ZFYVE26: variants seen among roughly 807,000 people sequenced by gnomAD.
The protein encoded by ZFYVE26 is zinc finger FYVE-type containing 26.
A neutral mutation model predicts 276.5 loss-of-function variants in ZFYVE26; 181 were observed. The ratio of observed to expected loss-of-function variants is 0.65; its 90% CI spans 0.58 to 0.74. ZFYVE26 has a LOEUF of 0.74. Ranked by LOEUF, ZFYVE26 falls within the 30% of genes least tolerant of loss-of-function variation. The pLI, the probability that ZFYVE26 is intolerant of heterozygous loss-of-function variation, is 0.00. For missense variants in ZFYVE26, 2,821 were observed against 3,097.9 expected (o/e 0.91, Z 2.12); for synonymous variants, 1,129 against 1,203.1 (o/e 0.94, Z 1.27).
At chr14:67,733,461 A>G (rs900013341) in intron 13 of ZFYVE26, among the ~76,000 whole-genome samples, 2 of 152,222 alleles carry the variant, frequency 1.3e-5, no homozygotes, top group African/African-American at 4.8e-5. Flanking sequence ...GTTGTTGCAG[A>G]TATCCTAGAA....
intron 10 of ZFYVE26, among the ~76,000 whole-genome samples, chr14:67,798,837 G>T (rs968725916): frequency 4.6e-5 from 7 of 152,226 alleles, no homozygotes; most frequent in Non-Finnish European, 1.0e-4. Context: ...TAAAAGTACA[G>T]CTGGCCGGGT....
chr14:67,793,614 G>T lies in ZFYVE26; in HGVS notation c.2547C>A (p.Ala849=). 1 of 1,613,520 alleles carries T rather than the reference G, an allele frequency of 6.2e-7. No individual in the cohort carries two copies. The highest frequency in any genetic ancestry group is 1.1e-5 in the South Asian group (1 of 91,008). ...SCILRGNFAE[A]HQVLFTFNLK... ...AGGTATGGCCTCCCCTCACCTGATG[G>T]GCTTCTGCGAAGTTCCCGCGAAGGA... Residue 849 remains alanine, a synonymous_variant, in exon 14 of 42, where the codon GCC becomes GCA. Coordinates refer to ENST00000347230, the MANE Select transcript of ZFYVE26 (RefSeq NM_015346.4).
intron 3 of ZFYVE26, among the ~76,000 whole-genome samples, chr14:67,812,705 T>C (rs2040328344): frequency 6.6e-6 from 1 of 152,240 alleles, no homozygotes; most frequent in African/African-American, 2.4e-5. Context: ...AGCAACTGTC[T>C]AGAAAATAAG....
At chr14:67,740,736 T>C (rs1418054750) in intron 13 of ZFYVE26, among the ~76,000 whole-genome samples, 2 of 151,922 alleles carry the variant, frequency 1.3e-5, no homozygotes, top group Non-Finnish European at 2.9e-5. Context: ...GTGAAACCCC[T>C]ATCTCTACTA....
intron 9 of ZFYVE26, among the ~76,000 whole-genome samples, chr14:67,802,506 CAT>C (rs2040099104): frequency 6.6e-6 from 1 of 152,194 alleles, no homozygotes; most frequent in Non-Finnish European, 1.5e-5. Context: ...CTCCCTTCTA[CAT>C]ATCTCATGAC....
At position 67,802,283 on chromosome 14, in the gene ZFYVE26, C is replaced by T. The variant is rs545219731; in HGVS notation, c.1436-1G>A. 6.2e-6 allele frequency: 10 copies of T among 1,614,098 alleles called. No individual in the cohort carries two copies. The South Asian group carries it at 9.9e-5, about 16-fold the overall frequency. Reference sequence around the variant, plus strand: ...TCAGGGACTGGAGCATCAACTGCATCTGAATTACAAAGAGAAACAGGCTGA... The same window carrying T: ...TCAGGGACTGGAGCATCAACTGCATTTGAATTACAAAGAGAAACAGGCTGA... On this transcript the variant is annotated splice_acceptor_variant, in intron 9 of 41. Coordinates refer to ENST00000347230, the MANE Select transcript of ZFYVE26 (RefSeq NM_015346.4). LOFTEE classifies it high-confidence loss of function.
In ZFYVE26 at chr14:67,813,979, T is replaced by C. The variant is rs1360441315; in HGVS notation, c.273+7A>G. Reference sequence around the variant, plus strand: ...CTCGGAGGAAAATTTAATATAAACCTACTTACCTTTTCCCGGGCCAACCAT... The same window carrying C: ...CTCGGAGGAAAATTTAATATAAACCCACTTACCTTTTCCCGGGCCAACCAT... On this transcript the variant is annotated splice_region_variant and intron_variant, in intron 3 of 41. Coordinates refer to ENST00000347230, the MANE Select transcript of ZFYVE26 (RefSeq NM_015346.4). 3.1e-6 allele frequency: 5 copies of C among 1,610,594 alleles called. No individual in the cohort carries two copies. The African/African-American group carries it at 5.3e-5, about 17-fold the overall frequency.
At position 67,775,850 on chromosome 14, in the gene ZFYVE26, T is replaced by C; in HGVS notation, c.5221+10A>G. ...CATGTAGAATCCCCTTCTAGGATGC[T>C]AGCAGTTACCTGATCGTTTCTCCCT... On this transcript the variant is annotated intron_variant, in intron 26 of 41. Coordinates refer to ENST00000347230, the MANE Select transcript of ZFYVE26 (RefSeq NM_015346.4). 1 of 1,614,206 alleles carries C rather than the reference T, an allele frequency of 6.2e-7. No individual in the cohort carries two copies. Among genetic ancestry groups the C allele is most frequent in the Non-Finnish European group, 8.5e-7 (1 of 1,180,026 alleles).
At chr14:67,768,705 C>T (rs1219694442) in intron 29 of ZFYVE26, among the ~76,000 whole-genome samples, 157 bp from the exon 30 acceptor site, 1 of 152,182 alleles carries the variant, frequency 6.6e-6, no homozygotes, top group Non-Finnish European at 1.5e-5. Context: ...TCAATACTAA[C>T]TGCCCATTTC....
intron 35 of ZFYVE26, among the ~76,000 whole-genome samples, chr14:67,757,555 TTTC>T (rs955386486): frequency 1.8e-4 from 28 of 152,354 alleles, no homozygotes; most frequent in African/African-American, 6.0e-4. Flanking sequence ...CTGTTTTATT[TTTC>T]TTCTTCTTAT....
At chr14:67,737,478 G>A (rs1050995169) in intron 13 of ZFYVE26, among the ~76,000 whole-genome samples, 9 of 152,036 alleles carry the variant, frequency 5.9e-5, no homozygotes, top group African/African-American at 2.2e-4. Flanking sequence ...GGTCTCATGA[G>A]AACTCTCTCA....
chr14:67,802,111 G>A lies in ZFYVE26; in HGVS notation c.1607C>T (p.Thr536Ile). 1 of 1,613,680 alleles carries A rather than the reference G, an allele frequency of 6.2e-7. No individual in the cohort carries two copies. The highest frequency in any genetic ancestry group is 8.5e-7 in the Non-Finnish European group (1 of 1,180,034). The change falls in exon 10 of 42, where the codon ACA becomes ATA. Residue 536 changes from threonine (T) to isoleucine (I), a missense_variant. Thr to Ile is a moderately conservative substitution (Grantham distance 89, BLOSUM62 -1). Transcript: ENST00000347230. ...GGAGAGAGAGTCATTCGCTGGCTCT[G>A]TAGCTGAGGCCAGGTCCTCAGAGAG... The part of the protein sequence containing the change: ...DSLSEDLASA[T>I]EPANDSLSSP...
chr14:67,808,694 G>C (rs138185759), intron 4 of ZFYVE26, among the ~76,000 whole-genome samples: 107 of 152,088 alleles, frequency 7.0e-4, no homozygotes, highest in African/African-American at 2.5e-3. Flanking sequence ...TAATACAAGT[G>C]AAAGTCCCTC....
chr14:67,767,503 C>G (rs569078843), intron 31 of ZFYVE26, among the ~76,000 whole-genome samples: 1 of 152,012 alleles, frequency 6.6e-6, no homozygotes, highest in African/African-American at 2.4e-5. Context: ...ACCTCTTCCA[C>G]GAAGGCTTTC....
At chr14:67,788,401 C>CACAAACAA (rs753870262) in intron 16 of ZFYVE26, among the ~76,000 whole-genome samples, 1 of 152,088 alleles carries the variant, frequency 6.6e-6, no homozygotes, top group Non-Finnish European at 1.5e-5. Flanking sequence ...ATCTCAAAAA[C>CACAAACAA]ACAAACAAAC....
At chr14:67,755,816 G>A in intron 36 of ZFYVE26, 132 bp downstream of exon 36, 7 of 1,035,630 alleles carry the variant, frequency 6.8e-6, no homozygotes, top group Non-Finnish European at 1.1e-5. Flanking sequence ...GAGCAACATG[G>A]ATTTGCTCTA....
chr14:67,815,955 A>G lies in ZFYVE26; in HGVS notation c.9T>C (p.His3=), dbSNP rs904309189. The change falls in exon 2 of 42, where the codon CAT becomes CAC. Residue 3 remains histidine (H), a synonymous_variant. Coordinates refer to ENST00000347230, the MANE Select transcript of ZFYVE26 (RefSeq NM_015346.4). ...AAGCAGCTTCCTCTTTTCCAAATGG[A>G]TGATTCATTTTCCCAGCACAGAGTG... MN[H]PFGKEEAASQ... 1.2e-6 allele frequency: 2 copies of G among 1,611,160 alleles called. No individual in the cohort carries two copies. The highest frequency in any genetic ancestry group is 1.7e-6 in the Non-Finnish European group (2 of 1,179,164).
intron 13 of ZFYVE26, among the ~76,000 whole-genome samples, chr14:67,739,647 A>AC (rs1275979021): frequency 6.6e-6 from 1 of 151,426 alleles, no homozygotes; most frequent in African/African-American, 2.4e-5. Flanking sequence ...ATTTTTCTCC[A>AC]CCCCCAAGTT....
intron 20 of ZFYVE26, among the ~76,000 whole-genome samples, chr14:67,783,796 C>T (rs948159341): frequency 6.6e-6 from 1 of 152,112 alleles, no homozygotes; most frequent in African/African-American, 2.4e-5. Context: ...TATAGATGAA[C>T]AATAACTAGG....
Sources: allele counts gnomAD v4.1 joint callset (sites outside exome capture counted in the v4.1 genomes callset), GRCh38; gene constraint gnomAD v4.1.1; transcripts MANE v1.5; gene names NCBI Gene and HGNC (gene_info 2026-07-23, HGNC 2026-07-21).